Variants in PTPRS observed in about 807,000 individuals in gnomAD.
PTPRS encodes protein tyrosine phosphatase receptor type S.
In PTPRS, 63 loss-of-function variants were observed where a neutral mutation model predicts 215.3. The ratio of observed to expected loss-of-function variants is 0.29; its 90% CI spans 0.24 to 0.36. PTPRS has a LOEUF of 0.36. Ranked by LOEUF, PTPRS falls within the 10% of genes least tolerant of loss-of-function variation. The pLI is 1.00. For synonymous variants in PTPRS, 1,404 were observed against 1,191.4 expected (o/e 1.18, Z -3.68); for missense variants, 2,258 against 2,825.8 (o/e 0.80, Z 4.56).
chr19:5,262,921 G>C (rs1416108275), intron 6 of PTPRS, 43 bp downstream of exon 6: 2 of 1,554,820 alleles, frequency 1.3e-6, no homozygotes, highest in Non-Finnish European at 1.8e-6. Context: ...GCACAAAGGG[G>C]ATGGGGCGTT....
At chr19:5,305,571 T>C (rs1335350663) in intron 1 of PTPRS, among the ~76,000 whole-genome samples, 1 of 139,398 alleles carries the variant, frequency 7.2e-6, no homozygotes. Context: ...AAAAAAATCC[T>C]TGTGCCTAGA....
chr19:5,275,174 G>C (rs1255468102), intron 2 of PTPRS, among the ~76,000 whole-genome samples: 2 of 151,010 alleles, frequency 1.3e-5, no homozygotes, highest in Non-Finnish European at 2.9e-5. Context: ...AGGTTCAAGC[G>C]ATTCTCCTGC....
intron 1 of PTPRS, among the ~76,000 whole-genome samples, chr19:5,302,829 G>A (rs536659674): frequency 1.6e-3 from 242 of 151,502 alleles, no homozygotes; most frequent in African/African-American, 5.2e-3. Flanking sequence ...AGGTTGAGGC[G>A]GGCGGATCAC....
intron 1 of PTPRS, among the ~76,000 whole-genome samples, chr19:5,322,585 G>T (rs982927519): frequency 6.4e-4 from 97 of 152,226 alleles, no homozygotes; most frequent in African/African-American, 2.2e-3. Context: ...CCAGCCCGCA[G>T]AAAGACCTCA....
At chr19:5,275,109 C>T (rs561136910) in intron 2 of PTPRS, among the ~76,000 whole-genome samples, 5 of 151,192 alleles carry the variant, frequency 3.3e-5, no homozygotes, top group South Asian at 2.1e-4. Flanking sequence ...CTCACTCTGT[C>T]GCCCAAGCTG....
intron 4 of PTPRS, among the ~76,000 whole-genome samples, chr19:5,271,196 G>A (rs191625566): frequency 6.6e-6 from 1 of 152,290 alleles, no homozygotes; most frequent in East Asian, 1.9e-4. Context: ...GCAGGTGACA[G>A]GTGGAACCCA....
intron 29 of PTPRS, 38 bp from the exon 30 acceptor site, chr19:5,214,518 G>C (rs2041235233): frequency 6.2e-7 from 1 of 1,612,974 alleles, no homozygotes; most frequent in Non-Finnish European, 8.5e-7. Context: ...GCAGGGACAG[G>C]CTGACTGGCA....
chr19:5,233,507 G>A (rs1035583810), intron 13 of PTPRS, among the ~76,000 whole-genome samples: 1 of 150,760 alleles, frequency 6.6e-6, no homozygotes, highest in Non-Finnish European at 1.5e-5. Context: ...AGCACCAAGG[G>A]CTTCACAAAA....
At chr19:5,233,795 A>G (rs758732172) in intron 13 of PTPRS, among the ~76,000 whole-genome samples, 14 of 151,352 alleles carry the variant, frequency 9.2e-5, no homozygotes, top group Non-Finnish European at 2.1e-4. Flanking sequence ...AGATACAAAA[A>G]ACTAGCCGGG....
intron 25 of PTPRS, 145 bp downstream of exon 25, chr19:5,218,275 T>C: frequency 1.4e-6 from 1 of 708,544 alleles, no homozygotes; most frequent in Non-Finnish European, 2.5e-6. Flanking sequence ...CATGTAGGGT[T>C]GGAGGTATTT....
chr19:5,310,765 A>G (rs994075264), intron 1 of PTPRS, among the ~76,000 whole-genome samples: 1 of 151,254 alleles, frequency 6.6e-6, no homozygotes, highest in African/African-American at 2.4e-5. Context: ...GAGTGCAGTG[A>G]CGCAATCTCA....
chr19:5,277,789 C>T, intron 2 of PTPRS: 2 of 734,596 alleles, frequency 2.7e-6, no homozygotes, highest in Non-Finnish European at 4.9e-6. Context: ...AGGATCAAGG[C>T]GTTCATCCGG....
Position 5,257,315 on chromosome 19 carries a change from A to G in PTPRS, c.706+702T>C. On this transcript the variant is annotated intron_variant, in intron 8 of 37. Transcript: ENST00000262963. The surrounding 1 kb of genome is among the most constrained non-coding windows in gnomAD (Gnocchi z 4.4). ...ATGACTGAGTGGGAATTGGAAACTG[A>G]GAGTAACAAGCTTCGCTGGGTGCCG... is the stretch of plus-strand genomic sequence containing the variant. 2.4e-6 allele frequency: 1 copy of G among 417,232 alleles called. No individual in the cohort carries two copies. Among genetic ancestry groups the G allele is most frequent in the South Asian group, 1.7e-5 (1 of 60,026 alleles). The allele number at this position is 417,232 out of a possible 1,614,324, so 25.8% of individuals were successfully genotyped here. A position where few individuals can be genotyped will look rare whatever the true frequency, so the allele number is the denominator to read the frequency against.
In PTPRS at chr19:5,219,406, A is replaced by G; in HGVS notation, c.3827T>C (p.Ile1276Thr). The G allele has an allele frequency of 3.1e-6, 5 of 1,613,478 alleles. No homozygotes were observed. Among genetic ancestry groups the G allele is most frequent in the Non-Finnish European group, 4.2e-6 (5 of 1,179,736 alleles). Reference protein sequence around the residue: ...FQLDNPDPQPIVDGEEGLIWV... With the variant: ...FQLDNPDPQPTVDGEEGLIWV... ...GATAAGCCCCTCCTCGCCATCCACG[A>G]TGGGCTGGGGGTCCGGGTTATCCAG... The change falls in exon 23 of 38, where the codon ATC becomes ACC. Residue 1276 changes from isoleucine to threonine, a missense_variant. By Grantham distance (89) the Ile-to-Thr change is moderately conservative. This residue lies in a region of PTPRS where 927 missense variants were observed against 1,125.9 expected (regional missense o/e 0.82). Transcript: ENST00000262963.
chr19:5,233,976 A>AAAAAAAAC, intron 13 of PTPRS, among the ~76,000 whole-genome samples: 1 of 134,836 alleles, frequency 7.4e-6, no homozygotes, highest in African/African-American at 2.8e-5. Context: ...AAAAAAAAAA[A>AAAAAAAAC]ATCTATATGT....
chr19:5,329,235 AGAG>A (rs1215999460), intron 1 of PTPRS, among the ~76,000 whole-genome samples: 1 of 152,084 alleles, frequency 6.6e-6, no homozygotes, highest in African/African-American at 2.4e-5. Flanking sequence ...GGGGAGGGGA[AGAG>A]GAGGAGAGAT....
intron 1 of PTPRS, among the ~76,000 whole-genome samples, chr19:5,316,485 C>T (rs766474385): frequency 2.0e-5 from 3 of 152,152 alleles, no homozygotes; most frequent in African/African-American, 7.2e-5. Context: ...CTCGGCCTCC[C>T]GGGTTCAAGC....
chr19:5,275,069 TTTTC>T (rs1426045799), intron 2 of PTPRS, among the ~76,000 whole-genome samples: 15 of 76,236 alleles, frequency 2.0e-4, no homozygotes, highest in African/African-American at 9.4e-4. Flanking sequence ...CGTCATTTTC[TTTTC>T]TTTTTTTTTT....
At chr19:5,209,206 C>A (rs1480454895) in intron 35 of PTPRS, among the ~76,000 whole-genome samples, 1 of 152,194 alleles carries the variant, frequency 6.6e-6, no homozygotes, top group Non-Finnish European at 1.5e-5. Context: ...CTTCATTCCC[C>A]ACTACTCAAC....
Sources: gnomAD v4.1 joint callset for allele counts (sites outside exome capture counted in the v4.1 genomes callset) on GRCh38, gnomAD v4.1.1 for gene constraint, gnomAD v4.1.1 regional missense constraint, Gnocchi (gnomAD v3.1) non-coding constraint, MANE v1.5 for transcripts, NCBI Gene and HGNC (gene_info 2026-07-23, HGNC 2026-07-21) for gene names.